The following CRMP1 variants were observed in gnomAD, a reference collection of about 807,000 sequenced individuals.
CRMP1 encodes collapsin response mediator protein 1, also known as dihydropyrimidinase-related protein 1.
Under a neutral mutation model 68.3 loss-of-function variants are expected in CRMP1, and 19 were observed. The observed-to-expected ratio is 0.28, with a 90% CI of 0.19 to 0.41. The LOEUF (loss-of-function observed/expected upper bound fraction) is 0.41, where lower values mean the gene tolerates loss of function less well. Ranked by LOEUF, CRMP1 falls within the 10% of genes least tolerant of loss-of-function variation. The pLI is 1.00. For missense variants in CRMP1, 791 were observed against 967.4 expected (o/e 0.82, Z 2.42); for synonymous variants, 439 against 399.6 (o/e 1.10, Z -1.18).
rs1054472288 is a variant in CRMP1 at position 5,877,140 on chromosome 4, G to T, written c.382-10384C>A. Among the ~76,000 whole-genome samples the T allele has an allele frequency of 2.6e-5, 4 of 152,164 alleles. No individual in the cohort carries two copies. The highest frequency in any genetic ancestry group is 7.2e-5 in the African/African-American group (3 of 41,436). On this transcript the variant is annotated intron_variant, in intron 1 of 13. Transcript: ENST00000324989. This position sits in a 1 kb window ranked among gnomAD's most constrained non-coding sequence, Gnocchi z 4.3. ...AGGAGTGGCAGCCCCAGAATGAGAG[G>T]ATTTGAGGAGCACACCTGACCCCAA...
intron 2 of CRMP1, among the ~76,000 whole-genome samples, chr4:5,864,922 A>G (rs1713875252): frequency 7.2e-6 from 1 of 139,434 alleles, no homozygotes; most frequent in South Asian, 2.5e-4. Flanking sequence ...CTGGATTTGA[A>G]ATGGTCAAAG....
Position 5,825,015 on chromosome 4 carries a change from G to C in CRMP1, c.1969+479C>G, listed in dbSNP as rs1224067121. On this transcript the variant is annotated intron_variant, in intron 13 of 13. Coordinates refer to ENST00000324989, the MANE Select transcript of CRMP1 (RefSeq NM_001014809.3). This position sits in a 1 kb window ranked among gnomAD's most constrained non-coding sequence, Gnocchi z 4.4. ...TTCCGTTTCCTCTTTAAATAAATAG[G>C]GTATAATGTTACTTTATGGAGTAGT... 1.0e-6 allele frequency: 1 copy of C among 985,042 alleles called. No homozygotes were observed. The highest frequency in any genetic ancestry group is 1.2e-6 in the Non-Finnish European group (1 of 829,822). The allele number at this position is 985,042 out of a possible 1,614,324, so 61.0% of individuals were successfully genotyped here. A position where few individuals can be genotyped will look rare whatever the true frequency, so the allele number is the denominator to read the frequency against.
At position 5,859,974 on chromosome 4, in the gene CRMP1, T is replaced by C. The variant is rs992621144; in HGVS notation, c.655+1052A>G. ...TGGCCTATTTAATTAAAATTGCTTATTAAAATGAATCCAAGCAAAAGCGGC... is the reference window on the plus strand; with the variant it reads ...TGGCCTATTTAATTAAAATTGCTTACTAAAATGAATCCAAGCAAAAGCGGC... On this transcript the variant is annotated intron_variant, in intron 3 of 13. Transcript: ENST00000324989. The surrounding 1 kb of genome is among the most constrained non-coding windows in gnomAD (Gnocchi z 5.2). Among the ~76,000 whole-genome samples, 5 of 152,020 alleles carry C rather than the reference T, an allele frequency of 3.3e-5. No homozygotes were observed. The highest frequency in any genetic ancestry group is 3.3e-4 in the Admixed American group (5 of 15,274).
At chr4:5,822,311 A>T (rs1718748164) in intron 13 of CRMP1, among the ~76,000 whole-genome samples, 1 of 152,200 alleles carries the variant, frequency 6.6e-6, no homozygotes. Context: ...GGAAGCCAGG[A>T]TTGAAGCCCA....
At chr4:5,835,848 C>T in intron 11 of CRMP1, 67 bp downstream of exon 11, 1 of 1,345,170 alleles carries the variant, frequency 7.4e-7, no homozygotes, top group Non-Finnish European at 9.7e-7. Flanking sequence ...TCATTTTTAA[C>T]CAGTCTTTAA....
chr4:5,824,153 T>G (rs1488217054), intron 13 of CRMP1: 3 of 239,000 alleles, frequency 1.3e-5, no homozygotes, highest in Non-Finnish European at 2.0e-5. Flanking sequence ...ATTGCAATTG[T>G]GCAGTGTTTA....
chr4:5,828,465 C>G (rs1720037005), intron 12 of CRMP1, 24 bp downstream of exon 12: 1 of 1,606,876 alleles, frequency 6.2e-7, no homozygotes, highest in Non-Finnish European at 8.5e-7. Context: ...ACGGGTGGGC[C>G]CGCTCCCCTG....
intron 9 of CRMP1, among the ~76,000 whole-genome samples, chr4:5,837,650 TAATAAAATAAAATAA>T (rs376152936): frequency 3.9e-4 from 52 of 134,862 alleles, no homozygotes; most frequent in African/African-American, 1.3e-3. Context: ...TAAAATAAAA[TAATAAAATAAAATAA>T]AATAAAATAA....
Position 5,849,309 on chromosome 4 carries a change from A to T in CRMP1, c.963+83T>A, listed in dbSNP as rs1001878200. 4 of 1,124,086 alleles carry T rather than the reference A, an allele frequency of 3.6e-6. No individual in the cohort carries two copies. The African/African-American group carries it at 6.2e-5, about 17-fold the overall frequency. The allele number at this position is 1,124,086 out of a possible 1,614,324, so 69.6% of individuals were successfully genotyped here. On this transcript the variant is annotated intron_variant, in intron 6 of 13. Coordinates refer to ENST00000324989, the MANE Select transcript of CRMP1 (RefSeq NM_001014809.3). ...TGACCTTTCATTGTACAGCCTCCTC[A>T]CTAACCAATGCTCTTTTATCAAACC...
Position 5,825,846 on chromosome 4 carries a change from T to C in CRMP1, c.1804-187A>G, listed in dbSNP as rs977140682. 1.0e-4 allele frequency: 61 copies of C among 596,286 alleles called. No individual in the cohort carries two copies. The highest frequency in any genetic ancestry group is 4.0e-4 in the Middle Eastern group (1 of 2,500). The allele number at this position is 596,286 out of a possible 1,614,324, so 36.9% of individuals were successfully genotyped here. A position where few individuals can be genotyped will look rare whatever the true frequency, so the allele number is the denominator to read the frequency against. On this transcript the variant is annotated intron_variant, in intron 12 of 13. Transcript: ENST00000324989. The surrounding 1 kb of genome is among the most constrained non-coding windows in gnomAD (Gnocchi z 4.4). ...ACATGCAGCCGCACACAGGCATTCA[T>C]ACACACAAGCATGCATACACACACA...
chr4:5,891,703 T>C lies in CRMP1; in HGVS notation c.381+886A>G, dbSNP rs932883997. ...TCGGATGCTCCAACTTCCGTTTTTC[T>C]GGCACCTGACCCTGGCTCTCGTCGG... On this transcript the variant is annotated intron_variant, in intron 1 of 13. Coordinates refer to ENST00000324989, the MANE Select transcript of CRMP1 (RefSeq NM_001014809.3). This position sits in a 1 kb window ranked among gnomAD's most constrained non-coding sequence, Gnocchi z 5.2. 1.4e-4 allele frequency among the ~76,000 whole-genome samples: 22 copies of C among 152,308 alleles called. No individual in the cohort carries two copies. Among genetic ancestry groups the C allele is most frequent in the African/African-American group, 4.8e-4 (20 of 41,564 alleles).
At chr4:5,886,210 TC>T (rs534620751) in intron 1 of CRMP1, among the ~76,000 whole-genome samples, 201 of 152,328 alleles carry the variant, frequency 1.3e-3, no homozygotes, top group African/African-American at 4.6e-3. Context: ...CCTCTCTCCT[TC>T]CCATGCTCAT....
chr4:5,828,207 G>C, intron 12 of CRMP1: 3 of 985,402 alleles, frequency 3.0e-6, no homozygotes, highest in Non-Finnish European at 3.6e-6. Context: ...ACAGCGCCCA[G>C]AGCAGCTTGG....
rs560999325 is a variant in CRMP1 at position 5,838,626 on chromosome 4, G to T, written c.1310+896C>A. The stretch of plus-strand genomic sequence containing the variant: ...TGGGACTAGCAGCTTTATGGGGGAA[G>T]ATCTGCAGTTCTTTGTAAACGTGAG... On this transcript the variant is annotated intron_variant, in intron 9 of 13. Coordinates refer to ENST00000324989, the MANE Select transcript of CRMP1 (RefSeq NM_001014809.3). This position sits in a 1 kb window ranked among gnomAD's most constrained non-coding sequence, Gnocchi z 4.9. Among the ~76,000 whole-genome samples the T allele has an allele frequency of 6.6e-6, 1 of 152,272 alleles. No homozygotes were observed. The highest frequency in any genetic ancestry group is 1.5e-5 in the Non-Finnish European group (1 of 68,024).
At chr4:5,873,620 G>A (rs1311747278) in intron 1 of CRMP1, among the ~76,000 whole-genome samples, 1 of 152,136 alleles carries the variant, frequency 6.6e-6, no homozygotes, top group Non-Finnish European at 1.5e-5. Context: ...CACAAGAACA[G>A]CACCAAAGGG....
At chr4:5,887,969 G>A (rs1408749320) in intron 1 of CRMP1, among the ~76,000 whole-genome samples, 1 of 152,122 alleles carries the variant, frequency 6.6e-6, no homozygotes, top group Non-Finnish European at 1.5e-5. Flanking sequence ...CATCCCGTGG[G>A]GGGAGGGGGC....
At chr4:5,830,091 T>G (rs1266895318) in intron 11 of CRMP1, among the ~76,000 whole-genome samples, 1 of 152,246 alleles carries the variant, frequency 6.6e-6, no homozygotes, top group Non-Finnish European at 1.5e-5. Context: ...TTTGCATCTG[T>G]GACTGAGACT....
Position 5,821,748 on chromosome 4 carries a change from G to A in CRMP1, c.*12C>T, listed in dbSNP as rs754670949. On this transcript the variant is annotated 3_prime_UTR_variant, in exon 14 of 14. Coordinates refer to ENST00000324989, the MANE Select transcript of CRMP1 (RefSeq NM_001014809.3). This position sits in a 1 kb window ranked among gnomAD's most constrained non-coding sequence, Gnocchi z 4.4. ...CAGAATCCTTCAGGCTAGCTCCTCCGCGCATCCACGTTCAACCGAGGCTGG... is the reference window on the plus strand; with the variant it reads ...CAGAATCCTTCAGGCTAGCTCCTCCACGCATCCACGTTCAACCGAGGCTGG... 1.1e-5 allele frequency: 18 copies of A among 1,601,252 alleles called. No homozygotes were observed. The highest frequency in any genetic ancestry group is 9.4e-5 in the African/African-American group (7 of 74,802).
intron 11 of CRMP1, among the ~76,000 whole-genome samples, chr4:5,833,350 T>A (rs1720511615): frequency 8.8e-6 from 1 of 113,282 alleles, no homozygotes; most frequent in African/African-American, 3.7e-5. Flanking sequence ...GTATTTTTAG[T>A]AGAGACAGGG....
Sources: gnomAD v4.1 joint callset for allele counts (sites outside exome capture counted in the v4.1 genomes callset) on GRCh38, gnomAD v4.1.1 for gene constraint, Gnocchi (gnomAD v3.1) non-coding constraint, MANE v1.5 for transcripts, NCBI Gene and HGNC (gene_info 2026-07-23, HGNC 2026-07-21) for gene names.